Variants in GALNT2 observed in about 807,000 individuals in gnomAD.
GALNT2 encodes UDP-GalNAc:polypeptide N-acetylgalactosaminyltransferase 2.
In GALNT2, 31 loss-of-function variants were observed where a neutral mutation model predicts 81.4. The ratio of observed to expected loss-of-function variants is 0.38; its 90% CI spans 0.29 to 0.51. The LOEUF is 0.51. Ranked by LOEUF, GALNT2 falls within the 20% of genes least tolerant of loss-of-function variation. The pLI, the probability that GALNT2 is intolerant of heterozygous loss-of-function variation, is 0.87. For synonymous variants in GALNT2, 303 were observed against 287.4 expected (o/e 1.05, Z -0.55); for missense variants, 629 against 765.7 (o/e 0.82, Z 2.11).
chr1:230,076,821 G>A lies in GALNT2; in HGVS notation c.126+9415G>A, dbSNP rs188351965. ...TGTACTTCTGGATAAAACAACTGGAGCATTTACATGGCGGGAAAAAGAACA... is the reference window on the plus strand; with the variant it reads ...TGTACTTCTGGATAAAACAACTGGAACATTTACATGGCGGGAAAAAGAACA... On this transcript the variant is annotated intron_variant, in intron 1 of 15. Transcript: ENST00000366672. Among the ~76,000 whole-genome samples, 427 of 152,274 alleles carry A rather than the reference G, an allele frequency of 2.8e-3. 1 individual carries two copies. The highest frequency in any genetic ancestry group is 5.0e-3 in the Non-Finnish European group (343 of 68,032).
Position 230,280,169 on chromosome 1 carries a change from CAGAGCCCGGTG to C in GALNT2, c.*712_*722del, listed in dbSNP as rs1406594985. 1 of 371,140 alleles carries C rather than the reference CAGAGCCCGGTG, an allele frequency of 2.7e-6. No homozygotes were observed. The highest frequency in any genetic ancestry group is 5.4e-6 in the Non-Finnish European group (1 of 186,424). The allele number at this position is 371,140 out of a possible 1,614,324, so 23.0% of individuals were successfully genotyped here. A position where few individuals can be genotyped will look rare whatever the true frequency, so the allele number is the denominator to read the frequency against. On this transcript the variant is annotated 3_prime_UTR_variant, in exon 16 of 16. Coordinates refer to ENST00000366672, the MANE Select transcript of GALNT2 (RefSeq NM_004481.5). ...GTTCGCAGCTTCCGGGAGAAGGGGC[CAGAGCCCGGTG>C]GGGCCAGTTTCTCACAGAGGGAGGA...
chr1:230,273,935 A>G (rs984508268), intron 14 of GALNT2, among the ~76,000 whole-genome samples: 1 of 152,236 alleles, frequency 6.6e-6, no homozygotes, highest in African/African-American at 2.4e-5. Flanking sequence ...TTAGGAGGCT[A>G]TACACGATAT....
At chr1:230,277,642 A>T (rs1049467191) in intron 15 of GALNT2, among the ~76,000 whole-genome samples, 2 of 152,224 alleles carry the variant, frequency 1.3e-5, no homozygotes, top group African/African-American at 2.4e-5. Flanking sequence ...ACTCCAGGTG[A>T]GCAGGTGGAC....
chr1:230,163,685 C>A (rs1558118332), intron 1 of GALNT2, among the ~76,000 whole-genome samples: 3 of 152,224 alleles, frequency 2.0e-5, no homozygotes, highest in Admixed American at 2.0e-4. Flanking sequence ...GCTTTCCCAT[C>A]AGGATCAAAT....
chr1:230,074,427 A>G (rs1571929406), intron 1 of GALNT2, among the ~76,000 whole-genome samples: 1 of 152,258 alleles, frequency 6.6e-6, no homozygotes, highest in African/African-American at 2.4e-5. Flanking sequence ...TATGATGTGT[A>G]GCAGCTTCCC....
intron 1 of GALNT2, among the ~76,000 whole-genome samples, chr1:230,176,326 C>CA (rs1662978168): frequency 6.6e-6 from 1 of 152,172 alleles, no homozygotes; most frequent in Non-Finnish European, 1.5e-5. Flanking sequence ...CTGCAAATGT[C>CA]AGATAATGAC....
At chr1:230,113,017 C>T (rs552378382) in intron 1 of GALNT2, among the ~76,000 whole-genome samples, 1 of 152,198 alleles carries the variant, frequency 6.6e-6, no homozygotes, top group Non-Finnish European at 1.5e-5. Context: ...GTGAAGGTCT[C>T]AGCACCTTCT....
intron 3 of GALNT2, among the ~76,000 whole-genome samples, chr1:230,213,207 G>T (rs1664287701): frequency 6.6e-6 from 1 of 152,210 alleles, no homozygotes; most frequent in African/African-American, 2.4e-5. Flanking sequence ...GATCGTCTTT[G>T]TTGTCAAGAA....
intron 1 of GALNT2, among the ~76,000 whole-genome samples, chr1:230,104,819 C>T (rs1284857498): frequency 6.6e-6 from 1 of 152,222 alleles, no homozygotes; most frequent in Non-Finnish European, 1.5e-5. Context: ...CAGGAAGCCA[C>T]TCTGAAGGCA....
chr1:230,214,198 C>T (rs972816960), intron 3 of GALNT2, among the ~76,000 whole-genome samples: 7 of 151,962 alleles, frequency 4.6e-5, no homozygotes, highest in South Asian at 2.1e-4. Flanking sequence ...CTGCAACCTC[C>T]GCCTCCCCAG....
chr1:230,108,151 A>G (rs962854246), intron 1 of GALNT2, among the ~76,000 whole-genome samples: 1 of 152,216 alleles, frequency 6.6e-6, no homozygotes, highest in African/African-American at 2.4e-5. Flanking sequence ...AGCCACGTGG[A>G]ACTGGTTTGC....
chr1:230,169,495 T>C (rs1411675483), intron 1 of GALNT2, among the ~76,000 whole-genome samples: 1 of 152,228 alleles, frequency 6.6e-6, no homozygotes, highest in East Asian at 1.9e-4. Context: ...GGGTCACCGA[T>C]GGCCATTTCA....
intron 10 of GALNT2, among the ~76,000 whole-genome samples, chr1:230,251,591 A>G (rs115808830): frequency 0.014 from 2,061 of 152,242 alleles, 42 homozygotes; most frequent in African/African-American, 0.047. Context: ...AAAAAATGAT[A>G]CATTAACCTC....
intron 3 of GALNT2, 131 bp from the exon 4 acceptor site, chr1:230,235,883 C>T (rs1468522141): frequency 1.4e-6 from 1 of 737,740 alleles, no homozygotes. Context: ...AGGCCAGGAA[C>T]TTCTGCAGAT....
chr1:230,152,251 G>T (rs1227130667), intron 1 of GALNT2, among the ~76,000 whole-genome samples: 1 of 152,128 alleles, frequency 6.6e-6, no homozygotes, highest in East Asian at 1.9e-4. Context: ...GCTCTCAGGG[G>T]GCTCAGGCTG....
At chr1:230,141,711 A>G (rs768730839) in intron 1 of GALNT2, among the ~76,000 whole-genome samples, 2 of 148,770 alleles carry the variant, frequency 1.3e-5, no homozygotes, top group African/African-American at 2.5e-5. Flanking sequence ...GTGGGTCCTT[A>G]TGGCTATTGT....
chr1:230,274,242 A>T (rs1244781237), intron 14 of GALNT2, among the ~76,000 whole-genome samples: 1 of 152,256 alleles, frequency 6.6e-6, no homozygotes, highest in African/African-American at 2.4e-5. Flanking sequence ...CTTACTGCTC[A>T]GTTGTGAGGT....
At chr1:230,110,995 G>T (rs1011802009) in intron 1 of GALNT2, among the ~76,000 whole-genome samples, 1 of 152,182 alleles carries the variant, frequency 6.6e-6, no homozygotes, top group African/African-American at 2.4e-5. Flanking sequence ...TGACTTGCAG[G>T]AATGTGTGTG....
At chr1:230,172,516 A>G (rs963479082) in intron 1 of GALNT2, among the ~76,000 whole-genome samples, 1 of 152,220 alleles carries the variant, frequency 6.6e-6, no homozygotes, top group Non-Finnish European at 1.5e-5. Context: ...TTGATAAGTC[A>G]GGTAGCCCTT....
Sources: gnomAD v4.1 joint callset for allele counts (sites outside exome capture counted in the v4.1 genomes callset) on GRCh38, gnomAD v4.1.1 for gene constraint, MANE v1.5 for transcripts, NCBI Gene and HGNC (gene_info 2026-07-23, HGNC 2026-07-21) for gene names.